PLAAT3: variants seen among roughly 807,000 people sequenced by gnomAD.
PLAAT3 encodes Ca-independent phospholipase A1/2.
A neutral mutation model predicts 16.7 loss-of-function variants in PLAAT3; 21 were observed. The ratio of observed to expected loss-of-function variants is 1.26; its 90% confidence interval spans 0.89 to 1.81. The LOEUF is 1.81. Ranked by LOEUF, PLAAT3 falls within the 40% of genes most tolerant of loss-of-function variation. The probability of loss-of-function intolerance (pLI) is 0.00; values close to 1 mark genes in which losing one functional copy is unlikely to be tolerated. For synonymous variants in PLAAT3, 76 were observed against 81.7 expected, an observed-to-expected ratio of 0.93 and a Z score of 0.38; for missense variants, 219 against 213.7, an observed-to-expected ratio of 1.02 and a Z score of -0.16.
intron 3 of PLAAT3, among the ~76,000 whole-genome samples, chr11:63,593,240 A>G (rs920400811): frequency 6.6e-6 from 1 of 152,368 alleles, no homozygotes; most frequent in African/African-American, 2.4e-5. Flanking sequence ...AGGTACCAAC[A>G]GACACTATGG....
chr11:63,591,626 C>T lies in PLAAT3; in HGVS notation c.119-1258G>A, dbSNP rs187337992. Among the ~76,000 whole-genome samples the T allele has an allele frequency of 7.9e-5, 12 of 152,340 alleles. No individual in the cohort carries two copies. In the East Asian group the frequency reaches 9.6e-4, roughly 12 times the overall value. ...TTAGATTTCAGGTCCTGCTCTTCTC[C>T]GCTTTCCAAAGACCAATAAACCTTT... On this transcript the variant is annotated intron_variant, in intron 3 of 4. Transcript: ENST00000415826.
intron 2 of PLAAT3, among the ~76,000 whole-genome samples, chr11:63,608,098 C>T (rs1015394920): frequency 6.6e-6 from 1 of 152,174 alleles, no homozygotes; most frequent in African/African-American, 2.4e-5. Flanking sequence ...AGGAGAATTG[C>T]TTGAACCCGG....
chr11:63,584,506 T>G (rs2134398430), intron 4 of PLAAT3, among the ~76,000 whole-genome samples: 2 of 80,270 alleles, frequency 2.5e-5, no homozygotes, highest in East Asian at 3.2e-3. Context: ...ACTTTTTTTT[T>G]TGTTTTTTTT....
chr11:63,596,166 G>A (rs895428051), intron 3 of PLAAT3, among the ~76,000 whole-genome samples: 2 of 107,946 alleles, frequency 1.9e-5, no homozygotes, highest in Non-Finnish European at 4.3e-5. Context: ...GCGTGAACCC[G>A]GAGGCAGAGC....
At chr11:63,586,229 G>T (rs1468189081) in intron 4 of PLAAT3, among the ~76,000 whole-genome samples, 1 of 152,136 alleles carries the variant, frequency 6.6e-6, no homozygotes, top group African/African-American at 2.4e-5. Context: ...CACCTCCAGG[G>T]TTCAAGCGAT....
chr11:63,604,634 A>G (rs1938512333), intron 2 of PLAAT3, among the ~76,000 whole-genome samples: 2 of 151,956 alleles, frequency 1.3e-5, no homozygotes, highest in Admixed American at 1.3e-4. Context: ...ATGGTGGTAC[A>G]TGCCTGTAGT....
At chr11:63,589,084 T>C (rs1030048156) in intron 4 of PLAAT3, among the ~76,000 whole-genome samples, 3 of 150,602 alleles carry the variant, frequency 2.0e-5, no homozygotes, top group Non-Finnish European at 4.4e-5. Context: ...AGAATAAACA[T>C]GCTCTTATTT....
intron 3 of PLAAT3, 22 bp from the exon 4 acceptor site, chr11:63,590,390 A>G: frequency 6.2e-7 from 1 of 1,611,696 alleles, no homozygotes. Flanking sequence ...CAAAGAGGAA[A>G]CAGAGGGATT....
intron 4 of PLAAT3, among the ~76,000 whole-genome samples, chr11:63,588,089 A>G (rs1938031043): frequency 6.6e-6 from 1 of 151,212 alleles, no homozygotes; most frequent in Non-Finnish European, 1.5e-5. Context: ...ATTTTTTTTG[A>G]GACTGGGTCT....
chr11:63,590,015 TCATGCCTCCATAGC>T, intron 4 of PLAAT3, 71 bp downstream of exon 4: 1 of 1,328,834 alleles, frequency 7.5e-7, no homozygotes, highest in African/African-American at 1.4e-5. Flanking sequence ...TTTGTCTTGT[TCATGCCTCCATAGC>T]CATGCCCAGC....
intron 2 of PLAAT3, among the ~76,000 whole-genome samples, chr11:63,609,219 G>C (rs1183762706): frequency 6.6e-6 from 1 of 152,206 alleles, no homozygotes; most frequent in Non-Finnish European, 1.5e-5. Flanking sequence ...CTGACGCCCT[G>C]GGGGGAAAGC....
intron 4 of PLAAT3, among the ~76,000 whole-genome samples, chr11:63,583,692 T>C (rs1937885093): frequency 1.3e-5 from 2 of 152,232 alleles, no homozygotes; most frequent in South Asian, 4.1e-4. Context: ...ACAGGATTTC[T>C]GATCATGAAA....
chr11:63,588,751 C>T (rs187714925), intron 4 of PLAAT3, among the ~76,000 whole-genome samples: 106 of 151,710 alleles, frequency 7.0e-4, no homozygotes, highest in Non-Finnish European at 5.0e-4. Flanking sequence ...CCCAACTGAT[C>T]GAAGAAAAAA....
At chr11:63,607,425 G>T (rs1368276373) in intron 2 of PLAAT3, among the ~76,000 whole-genome samples, 1 of 152,096 alleles carries the variant, frequency 6.6e-6, no homozygotes, top group Non-Finnish European at 1.5e-5. Flanking sequence ...TACTCAGGAG[G>T]CTGAGGCTGG....
At position 63,590,193 on chromosome 11, in the gene PLAAT3, C is replaced by A; in HGVS notation, c.294G>T (p.Glu98Asp). 6.2e-7 allele frequency: 1 copy of A among 1,614,234 alleles called. No homozygotes were observed. Among genetic ancestry groups the A allele is most frequent in the South Asian group, 1.1e-5 (1 of 91,084 alleles). The change falls in exon 4 of 5, where the codon GAG becomes GAT. Residue 98 changes from glutamate (E) to aspartate (D), a missense_variant. By Grantham distance (45) the Glu-to-Asp change is conservative. Coordinates refer to ENST00000415826, the MANE Select transcript of PLAAT3 (RefSeq NM_001128203.2). ...TGTAGAGCACCTCCTGCCCCACCAG[C>A]TCCTCCGCCCGCTGGATGATTTTGC... Reference protein sequence around the residue: ...PCSKIIQRAEELVGQEVLYKL... With the variant: ...PCSKIIQRAEDLVGQEVLYKL...
intron 2 of PLAAT3, among the ~76,000 whole-genome samples, chr11:63,599,044 C>T (rs1938361245): frequency 6.6e-6 from 1 of 152,216 alleles, no homozygotes; most frequent in Non-Finnish European, 1.5e-5. Context: ...TATCCACGTC[C>T]ATTCAGCATT....
At chr11:63,578,418 A>G (rs1420910146) in intron 4 of PLAAT3, among the ~76,000 whole-genome samples, 2 of 152,202 alleles carry the variant, frequency 1.3e-5, no homozygotes, top group East Asian at 3.8e-4. Context: ...GAGCAGGGAG[A>G]AAAACAGGAA....
chr11:63,615,294 ATATGTG>A (rs1938837706), upstream of PLAAT3, among the ~76,000 whole-genome samples: 4 of 60,720 alleles, frequency 6.6e-5, 1 homozygote, highest in African/African-American at 1.8e-4. Flanking sequence ...ATGTGTATAT[ATATGTG>A]TGTATATATG....
chr11:63,589,284 C>CA (rs1435766204), intron 4 of PLAAT3, among the ~76,000 whole-genome samples: 4 of 149,460 alleles, frequency 2.7e-5, no homozygotes, highest in Admixed American at 6.7e-5. Context: ...AATTGGATCT[C>CA]AAAAAAAATA....
Sources: allele counts gnomAD v4.1 joint callset (sites outside exome capture counted in the v4.1 genomes callset), GRCh38; gene constraint gnomAD v4.1.1; transcripts MANE v1.5; gene names NCBI Gene and HGNC (gene_info 2026-07-23, HGNC 2026-07-21).